Variants in SPATA22 observed in about 807,000 individuals in gnomAD.
The protein encoded by SPATA22 is spermatogenesis associated 22, also known as spermatogenesis-associated protein 22.
SPATA22 carries 29 observed loss-of-function variants against 47.8 expected under a neutral mutation model. That is an observed-to-expected ratio of 0.61 (90% CI 0.45 to 0.83). SPATA22 has a LOEUF of 0.83. Among genes scored for constraint, SPATA22 ranks in the 40% least tolerant of loss-of-function variants. SPATA22 has a pLI of 0.00. For synonymous variants in SPATA22, 133 were observed against 140.9 expected (o/e 0.94, Z 0.40); for missense variants, 410 against 421.7 (o/e 0.97, Z 0.24).
At chr17:3,483,724 G>A in intron 1 of SPATA22, 1 of 839,308 alleles carries the variant, frequency 1.2e-6, no homozygotes, top group Non-Finnish European at 1.9e-6. Context: ...GTCCGATGGT[G>A]TGATCTCAGC....
upstream of SPATA22, chr17:3,476,527 C>A: frequency 2.4e-6 from 2 of 848,764 alleles, no homozygotes; most frequent in Non-Finnish European, 3.9e-6. Context: ...TGAATAAGAT[C>A]ACTTTCACTT....
chr17:3,455,945 T>A (rs893641045), intron 5 of SPATA22, among the ~76,000 whole-genome samples: 2 of 152,200 alleles, frequency 1.3e-5, no homozygotes, highest in African/African-American at 4.8e-5. Flanking sequence ...TGTTCTTCCA[T>A]TTGTTTGTAT....
upstream of SPATA22, among the ~76,000 whole-genome samples, chr17:3,473,141 A>T (rs1271404370): frequency 2.0e-5 from 3 of 148,616 alleles, no homozygotes; most frequent in South Asian, 2.1e-4. Flanking sequence ...CCTTAAGCCG[A>T]TTACTTCTGT....
At chr17:3,499,014 G>A (rs1331100491) in intron 1 of SPATA22, 5 of 1,614,156 alleles carry the variant, frequency 3.1e-6, no homozygotes, top group African/African-American at 2.7e-5. Flanking sequence ...CGCATATTAC[G>A]AAAAGAAAGA....
At chr17:3,489,359 G>A in intron 1 of SPATA22, 2 of 1,561,546 alleles carry the variant, frequency 1.3e-6, no homozygotes, top group Non-Finnish European at 1.8e-6. Flanking sequence ...AATAATGAAG[G>A]TAACGTTATC....
chr17:3,490,536 C>CAT lies in SPATA22; in HGVS notation c.-73-21139_-73-21138insAT. ...GGGAGTGAATTCCTCAACCTCAGAT[C>CAT]GTGCGCACCCCACTGCAATCACAGA... is the stretch of plus-strand genomic sequence containing the variant. On this transcript the variant is annotated intron_variant, in intron 1 of 8. Transcript: ENST00000541913. The surrounding 1 kb of genome is among the most constrained non-coding windows in gnomAD (Gnocchi z 4.6). Among the ~76,000 whole-genome samples the CAT allele has an allele frequency of 7.1e-6, 1 of 140,946 alleles. No individual in the cohort carries two copies. The highest frequency in any genetic ancestry group is 1.6e-5 in the Non-Finnish European group (1 of 61,786). The allele number at this position is 140,946 out of a possible 152,430, so 92.5% of individuals were successfully genotyped here.
chr17:3,441,782 G>C (rs547540301), intron 8 of SPATA22: 1 of 152,092 alleles, frequency 6.6e-6, no homozygotes, highest in South Asian at 2.1e-4. Flanking sequence ...GAAAACTGTA[G>C]CATATTCATG....
rs764355370 is a variant in SPATA22 at position 3,495,122 on chromosome 17, G to C, written c.-74+18290C>G. ...AAAAAAGGCTCTTGAGAGAATGTAGGAGGTTTAAATCCGGAAAAGGCAAAG... is the reference window on the plus strand; with the variant it reads ...AAAAAAGGCTCTTGAGAGAATGTAGCAGGTTTAAATCCGGAAAAGGCAAAG... On this transcript the variant is annotated intron_variant, in intron 1 of 8. Coordinates refer to the SPATA22 transcript ENST00000541913. Among the ~76,000 whole-genome samples, 188 of 152,218 alleles carry C rather than the reference G, an allele frequency of 1.2e-3. 1 individual carries two copies. Among genetic ancestry groups the C allele is most frequent in the Non-Finnish European group, 1.9e-3 (129 of 68,012 alleles).
chr17:3,510,152 A>G (rs1224875897), intron 1 of SPATA22, among the ~76,000 whole-genome samples: 1 of 152,172 alleles, frequency 6.6e-6, no homozygotes, highest in Admixed American at 6.5e-5. Context: ...GCTGTGCAGA[A>G]GTGGATAGAG....
At position 3,494,469 on chromosome 17, in the gene SPATA22, GTTCT is replaced by G. The variant is rs2073877731; in HGVS notation, c.-74+18939_-74+18942del. 6.3e-7 allele frequency: 1 copy of G among 1,580,594 alleles called. No homozygotes were observed. The highest frequency in any genetic ancestry group is 8.7e-7 in the Non-Finnish European group (1 of 1,149,490). On this transcript the variant is annotated intron_variant, in intron 1 of 8. Transcript: ENST00000541913. ...CCATCCTAATCTGCAGGTAACATTT[GTTCT>G]TTCTTTAAAATGTTGAAAATAATAA...
rs149412231 is a variant in SPATA22 at position 3,458,805 on chromosome 17, C to T, written c.329+3678G>A. 2.7e-3 allele frequency among the ~76,000 whole-genome samples: 350 copies of T among 130,608 alleles called. 3 individuals are homozygous for T. Among genetic ancestry groups the T allele is most frequent in the African/African-American group, 9.7e-3 (330 of 34,028 alleles). 85.7% of individuals were successfully genotyped at this position (130,608 alleles called of 152,430 possible). A position where few individuals can be genotyped will look rare whatever the true frequency, so the allele number is the denominator to read the frequency against. ...GCAGTGAGCCAAGACCACACCATTG[C>T]ACTCACATTGTCTTGTTGCCACTGC... On this transcript the variant is annotated intron_variant, in intron 5 of 8. Transcript: ENST00000572969.
chr17:3,467,652 A>C, intron 2 of SPATA22, 98 bp from the exon 3 acceptor site: 1 of 872,266 alleles, frequency 1.1e-6, no homozygotes, highest in Non-Finnish European at 1.6e-6. Flanking sequence ...ACATTTATCT[A>C]CTTCTATATG....
chr17:3,502,607 T>C (rs2039228363), intron 1 of SPATA22: 1 of 152,230 alleles, frequency 6.6e-6, no homozygotes, highest in Non-Finnish European at 1.5e-5. Context: ...AAAGATGACA[T>C]ATGACTATAT....
chr17:3,462,709 G>C lies in SPATA22; in HGVS notation c.231C>G (p.Thr77=), dbSNP rs755124409. 132 of 1,611,256 alleles carry C rather than the reference G, an allele frequency of 8.2e-5. No homozygotes were observed. The highest frequency in any genetic ancestry group is 1.1e-4 in the Non-Finnish European group (130 of 1,177,542). ...ATGGTTTATATTTCTCCACATACCCGGTGTCCACTGTTTTCATTACAGGAG... is the reference window on the plus strand; with the variant it reads ...ATGGTTTATATTTCTCCACATACCCCGTGTCCACTGTTTTCATTACAGGAG... ...ELAPVMKTVD[T]GQIPHSVSRP... The change falls in exon 4 of 9, where the codon ACC becomes ACG. Residue 77 remains threonine (T), a splice_region_variant and synonymous_variant. Coordinates refer to ENST00000572969, the MANE Select transcript of SPATA22 (RefSeq NM_001170698.2).
chr17:3,449,739 T>C (rs2072813361), intron 5 of SPATA22, among the ~76,000 whole-genome samples: 1 of 152,228 alleles, frequency 6.6e-6, no homozygotes, highest in South Asian at 2.1e-4. Context: ...AAGTGTGTTA[T>C]ATCAGCTGAC....
In SPATA22 at chr17:3,485,909, C is replaced by T. The variant is rs1174641037; in HGVS notation, c.-73-16511G>A. On this transcript the variant is annotated intron_variant, in intron 1 of 8. Transcript: ENST00000541913. This position sits in a 1 kb window ranked among gnomAD's most constrained non-coding sequence, Gnocchi z 4.4. ...AGAGCCAGATGGCAGCTATCCATGC[C>T]AGTGGTTGCATTCTAGGAGGGAACC... Among the ~76,000 whole-genome samples, 4 of 151,090 alleles carry T rather than the reference C, an allele frequency of 2.6e-5. No homozygotes were observed. Among genetic ancestry groups the T allele is most frequent in the African/African-American group, 9.7e-5 (4 of 41,100 alleles).
chr17:3,478,063 T>C (rs1295548737), intron 1 of SPATA22, among the ~76,000 whole-genome samples: 1 of 152,030 alleles, frequency 6.6e-6, no homozygotes, highest in African/African-American at 2.4e-5. Context: ...CGGGCACCTG[T>C]AGTCCCAGCT....
chr17:3,482,682 A>G (rs2073651086), intron 1 of SPATA22, among the ~76,000 whole-genome samples: 1 of 152,198 alleles, frequency 6.6e-6, no homozygotes, highest in Non-Finnish European at 1.5e-5. Context: ...TACCTGGCCT[A>G]TAGTAAAGAT....
chr17:3,476,152 T>C, upstream of SPATA22: 2 of 1,610,786 alleles, frequency 1.2e-6, no homozygotes, highest in Non-Finnish European at 1.7e-6. Context: ...TAAAAACTAC[T>C]TGGTGAAATG....
Sources: allele counts gnomAD v4.1 joint callset (sites outside exome capture counted in the v4.1 genomes callset), GRCh38; gene constraint gnomAD v4.1.1; non-coding constraint Gnocchi (gnomAD v3.1); transcripts MANE v1.5; gene names NCBI Gene and HGNC (gene_info 2026-07-23, HGNC 2026-07-21).